LUC7L2: variants seen among roughly 807,000 people sequenced by gnomAD.
LUC7L2 encodes putative RNA-binding protein Luc7-like 2.
LUC7L2 carries 25 observed loss-of-function variants against 52.8 expected under a neutral mutation model. The ratio of observed to expected loss-of-function variants is 0.47; its 90% confidence interval spans 0.34 to 0.66. LUC7L2 has a LOEUF of 0.66. Among genes scored for constraint, LUC7L2 ranks in the 30% least tolerant of loss-of-function variants. LUC7L2 has a pLI of 0.01. For synonymous variants in LUC7L2, 144 were observed against 160.9 expected (o/e 0.89, Z 0.80); for missense variants, 328 against 497.8 (o/e 0.66, Z 3.25).
chr7:139,388,575 G>T lies in LUC7L2; in HGVS notation c.157-10024G>T, dbSNP rs535239038. Among the ~76,000 whole-genome samples the T allele has an allele frequency of 2.3e-3, 350 of 151,416 alleles. 4 individuals carry two copies. The highest frequency in any genetic ancestry group is 8.2e-3 in the African/African-American group (339 of 41,204). ...AAAAATGCTTGAGCTGTAACTATGG[G>T]GAGGAATATGTATAACTTTCATCCT... On this transcript the variant is annotated intron_variant, in intron 2 of 9. Transcript: ENST00000354926.
chr7:139,398,450 A>AT (rs1794754750), intron 2 of LUC7L2, 149 bp from the exon 3 acceptor site: 1 of 519,828 alleles, frequency 1.9e-6, no homozygotes, highest in Admixed American at 3.9e-5. Context: ...CACGTTTTAT[A>AT]TTTGTCTATG....
intron 4 of LUC7L2, among the ~76,000 whole-genome samples, chr7:139,403,879 A>G (rs1433757726): frequency 6.6e-6 from 1 of 152,198 alleles, no homozygotes; most frequent in African/African-American, 2.4e-5. Context: ...GTGCAGAAGC[A>G]TCAAGCCCCA....
intron 1 of LUC7L2, among the ~76,000 whole-genome samples, chr7:139,366,032 T>G (rs1800135910): frequency 6.6e-6 from 1 of 152,228 alleles, no homozygotes; most frequent in Admixed American, 6.5e-5. Flanking sequence ...AACTCTGAAA[T>G]CATCTGCAGC....
intron 2 of LUC7L2, among the ~76,000 whole-genome samples, chr7:139,382,380 C>CTTTATTTATTTA (rs112300470): frequency 6.6e-6 from 1 of 151,002 alleles, no homozygotes; most frequent in Admixed American, 6.6e-5. Flanking sequence ...TTGTCACAGT[C>CTTTATTTATTTA]TTTATTTATT....
intron 1 of LUC7L2, among the ~76,000 whole-genome samples, chr7:139,348,906 A>C (rs539156228): frequency 2.6e-5 from 4 of 152,076 alleles, no homozygotes; most frequent in Non-Finnish European, 5.9e-5. Context: ...CACGCCTGTA[A>C]TCCCAGCACT....
intron 8 of LUC7L2, chr7:139,416,964 A>C (rs75527858): frequency 2.0e-5 from 3 of 152,422 alleles, no homozygotes; most frequent in African/African-American, 4.8e-5. Flanking sequence ...TAGTGGTTCA[A>C]AAGTTGCTTT....
Position 139,384,823 on chromosome 7 carries a change from A to G in LUC7L2, c.156+8667A>G, listed in dbSNP as rs1442790168. Among the ~76,000 whole-genome samples the G allele has an allele frequency of 3.3e-5, 5 of 152,116 alleles. No individual in the cohort carries two copies. In the East Asian group the frequency reaches 9.6e-4, roughly 29 times the overall value. On this transcript the variant is annotated intron_variant, in intron 2 of 9. Transcript: ENST00000354926. Reference sequence around the variant, plus strand: ...GCAGTGGCTATTTGTAGGAGCAATCATGGTGCAATACAGCCTTGAACTCCT... The same window carrying G: ...GCAGTGGCTATTTGTAGGAGCAATCGTGGTGCAATACAGCCTTGAACTCCT...
chr7:139,346,062 A>G, intron 1 of LUC7L2: 1 of 157,886 alleles, frequency 6.3e-6, no homozygotes, highest in Non-Finnish European at 1.4e-5. Context: ...ACATGGAAAA[A>G]CCCCGTCTCT....
chr7:139,393,693 G>T lies in LUC7L2; in HGVS notation c.157-4906G>T, dbSNP rs10280599. 5.6e-3 allele frequency among the ~76,000 whole-genome samples: 858 copies of T among 152,244 alleles called. 11 individuals carry two copies. Among genetic ancestry groups the T allele is most frequent in the African/African-American group, 0.02 (816 of 41,550 alleles). ...AACTTCTGACCTCAAGTATCTGCCT[G>T]CCTTGGCCTCCCAAGGTGCTGGGAT... On this transcript the variant is annotated intron_variant, in intron 2 of 9. Transcript: ENST00000354926.
chr7:139,417,762 A>T (rs752854675), intron 9 of LUC7L2, 33 bp downstream of exon 9: 2 of 1,593,132 alleles, frequency 1.3e-6, no homozygotes, highest in Non-Finnish European at 1.7e-6. Context: ...ATATGGAGCT[A>T]CCTTAATGTT....
At chr7:139,384,366 A>T (rs1314180060) in intron 2 of LUC7L2, among the ~76,000 whole-genome samples, 1 of 150,194 alleles carries the variant, frequency 6.7e-6, no homozygotes, top group East Asian at 2.0e-4. Context: ...CTCGGGTTCA[A>T]CCGATTCTCC....
chr7:139,348,482 CG>C (rs1799341135), intron 1 of LUC7L2, among the ~76,000 whole-genome samples: 1 of 150,908 alleles, frequency 6.6e-6, no homozygotes, highest in Admixed American at 6.6e-5. Flanking sequence ...GCACTTTGAG[CG>C]GCCGAGGCAG....
intron 4 of LUC7L2, among the ~76,000 whole-genome samples, chr7:139,402,981 C>T (rs1258478704): frequency 6.6e-6 from 1 of 152,226 alleles, no homozygotes; most frequent in Admixed American, 6.5e-5. Flanking sequence ...AACCTATTCT[C>T]TATCTCTGTA....
At chr7:139,352,335 AAAT>A (rs1799483539) in intron 1 of LUC7L2, among the ~76,000 whole-genome samples, 1 of 152,196 alleles carries the variant, frequency 6.6e-6, no homozygotes, top group South Asian at 2.1e-4. Flanking sequence ...ACAAAAATAA[AAAT>A]AAAAAAATTA....
intron 3 of LUC7L2, among the ~76,000 whole-genome samples, chr7:139,398,970 A>T (rs1224603257): frequency 6.6e-6 from 1 of 152,182 alleles, no homozygotes; most frequent in Non-Finnish European, 1.5e-5. Context: ...TGATTAAGGA[A>T]ATATCAAGCA....
At chr7:139,357,214 G>GA (rs1158244654), upstream of LUC7L2, among the ~76,000 whole-genome samples, 1 of 152,070 alleles carries the variant, frequency 6.6e-6, no homozygotes, top group African/African-American at 2.4e-5. Flanking sequence ...AATCAGGCAG[G>GA]AAAGGAGAGA....
intron 2 of LUC7L2, among the ~76,000 whole-genome samples, chr7:139,397,781 G>GC (rs1794725606): frequency 6.6e-6 from 1 of 152,158 alleles, no homozygotes. Context: ...TATGAGGAAA[G>GC]CCTCTGGTTT....
chr7:139,376,445 A>G (rs1800716387), intron 2 of LUC7L2, among the ~76,000 whole-genome samples: 1 of 152,230 alleles, frequency 6.6e-6, no homozygotes, highest in Non-Finnish European at 1.5e-5. Flanking sequence ...TTTAGTTCAG[A>G]AATAAAATAA....
At chr7:139,341,241 G>C in intron 1 of LUC7L2, 1 of 1,400,292 alleles carries the variant, frequency 7.1e-7, no homozygotes, top group Non-Finnish European at 9.5e-7. Context: ...TCGGTCAACG[G>C]ACAAGTGAGC....
Sources: allele counts gnomAD v4.1 joint callset (sites outside exome capture counted in the v4.1 genomes callset), GRCh38; gene constraint gnomAD v4.1.1; transcripts MANE v1.5; gene names NCBI Gene and HGNC (gene_info 2026-07-23, HGNC 2026-07-21).